ABLIM1: variants seen among roughly 807,000 people sequenced by gnomAD.
ABLIM1 encodes actin binding LIM protein 1, also known as actin-binding LIM protein 1.
In ABLIM1, 40 loss-of-function variants were observed where a neutral mutation model predicts 107.0. The observed-to-expected ratio is 0.37, with a 90% CI of 0.29 to 0.49. The LOEUF (loss-of-function observed/expected upper bound fraction) is 0.49, where lower values mean the gene tolerates loss of function less well. ABLIM1 is among the 20% of genes least tolerant of loss of function. ABLIM1 has a pLI of 0.97. For missense variants in ABLIM1, 857 were observed against 1,008.5 expected (o/e 0.85, Z 2.04); for synonymous variants, 357 against 357.3 (o/e 1.00, Z 0.01).
chr10:114,690,008 G>T, intron 1 of ABLIM1: 1 of 613,860 alleles, frequency 1.6e-6, no homozygotes, highest in Non-Finnish European at 2.9e-6. Flanking sequence ...TAGGGAACAA[G>T]GAAAACATGG....
intron 1 of ABLIM1, among the ~76,000 whole-genome samples, chr10:114,708,762 A>T (rs765504076): frequency 6.6e-6 from 1 of 152,204 alleles, no homozygotes; most frequent in African/African-American, 2.4e-5. Context: ...ATCTGGGGTC[A>T]GTTTTTTAAT....
chr10:114,470,262 A>C (rs1390666046), intron 10 of ABLIM1, among the ~76,000 whole-genome samples: 1 of 152,084 alleles, frequency 6.6e-6, no homozygotes, highest in East Asian at 1.9e-4. Context: ...AACTCTACTG[A>C]AAATACAAAA....
At chr10:114,625,901 G>T (rs1040817316) in intron 1 of ABLIM1, among the ~76,000 whole-genome samples, 7 of 152,166 alleles carry the variant, frequency 4.6e-5, no homozygotes, top group African/African-American at 1.7e-4. Flanking sequence ...TGGGTTCGAA[G>T]ATTAAAGACA....
intron 1 of ABLIM1, among the ~76,000 whole-genome samples, chr10:114,741,067 T>C (rs1000952971): frequency 1.3e-5 from 2 of 151,450 alleles, no homozygotes; most frequent in Middle Eastern, 3.4e-3. Context: ...AATAAAAAGT[T>C]GTGTTTCTGC....
At chr10:114,599,222 T>A (rs757707062) in intron 2 of ABLIM1, among the ~76,000 whole-genome samples, 6 of 152,226 alleles carry the variant, frequency 3.9e-5, no homozygotes, top group Non-Finnish European at 8.8e-5. Flanking sequence ...TAGCAAGTAT[T>A]CTTAAAATAG....
chr10:114,793,130 C>T, the ABLIM1 span, among the ~76,000 whole-genome samples: 6 of 151,928 alleles, frequency 3.9e-5, no homozygotes, highest in South Asian at 2.1e-4. Context: ...CCAGCCTGGG[C>T]GACAGAGTGA....
intron 1 of ABLIM1, among the ~76,000 whole-genome samples, chr10:114,634,951 A>G (rs146913418): frequency 4.6e-5 from 7 of 152,392 alleles, no homozygotes; most frequent in Non-Finnish European, 7.3e-5. Flanking sequence ...TAAGAACAGA[A>G]GCAAAGCATA....
intron 6 of ABLIM1, among the ~76,000 whole-genome samples, chr10:114,512,124 T>C (rs1462136050): frequency 2.0e-5 from 3 of 152,198 alleles, no homozygotes; most frequent in African/African-American, 4.8e-5. Flanking sequence ...TCAGGTGAAC[T>C]TTCCTGGGGG....
intron 12 of ABLIM1, chr10:114,463,177 G>A (rs750818680): frequency 1.6e-6 from 2 of 1,267,618 alleles, no homozygotes; most frequent in Admixed American, 2.4e-5. Context: ...GTGCAGCAAG[G>A]AGTCAGGGGC....
At chr10:114,627,397 A>G (rs1378235125) in intron 1 of ABLIM1, among the ~76,000 whole-genome samples, 1 of 152,142 alleles carries the variant, frequency 6.6e-6, no homozygotes, top group Non-Finnish European at 1.5e-5. Context: ...TGCCTCTTTA[A>G]ACATCTACAT....
chr10:114,552,098 G>C (rs956730790), intron 4 of ABLIM1, among the ~76,000 whole-genome samples: 3 of 152,102 alleles, frequency 2.0e-5, no homozygotes, highest in Non-Finnish European at 4.4e-5. Flanking sequence ...TGAGAATCCT[G>C]ACCCGAAGTA....
intron 8 of ABLIM1, among the ~76,000 whole-genome samples, chr10:114,478,395 T>C (rs745405386): frequency 1.3e-5 from 2 of 152,214 alleles, no homozygotes; most frequent in South Asian, 4.1e-4. Context: ...ATCTTGGAGA[T>C]ATGGTTTGGC....
intron 1 of ABLIM1, among the ~76,000 whole-genome samples, chr10:114,753,203 C>T (rs2082556049): frequency 6.6e-6 from 1 of 152,168 alleles, no homozygotes; most frequent in Non-Finnish European, 1.5e-5. Flanking sequence ...GAGAAATAAG[C>T]TGTTCCCAGC....
At chr10:114,674,288 A>AC (rs2080384868) in intron 1 of ABLIM1, among the ~76,000 whole-genome samples, 2 of 127,388 alleles carry the variant, frequency 1.6e-5, no homozygotes, top group African/African-American at 3.3e-5. Context: ...AGACTCTGTC[A>AC]CAAAAAAAAA....
chr10:114,795,278 G>A, the ABLIM1 span, among the ~76,000 whole-genome samples: 11 of 152,206 alleles, frequency 7.2e-5, no homozygotes, highest in Non-Finnish European at 8.8e-5. Flanking sequence ...GGAATAGGCA[G>A]AATGCAGACA....
intron 19 of ABLIM1, among the ~76,000 whole-genome samples, 164 bp from the exon 20 acceptor site, chr10:114,440,253 A>C (rs1348767171): frequency 6.6e-6 from 1 of 152,212 alleles, no homozygotes; most frequent in Non-Finnish European, 1.5e-5. Context: ...AGCCTCCCTG[A>C]AGCCAAGAAA....
intron 1 of ABLIM1, among the ~76,000 whole-genome samples, chr10:114,725,020 C>G (rs2081927786): frequency 6.6e-6 from 1 of 152,178 alleles, no homozygotes; most frequent in South Asian, 2.1e-4. Context: ...TTTTCTCCCT[C>G]CATCCCCAGC....
chr10:114,520,995 A>T (rs2063647808), intron 6 of ABLIM1, among the ~76,000 whole-genome samples: 1 of 152,150 alleles, frequency 6.6e-6, no homozygotes, highest in Non-Finnish European at 1.5e-5. Context: ...AATAAAAATA[A>T]GTGACTTAAG....
rs563604478 is a variant in ABLIM1, at chr10:114,608,882, G to A, written c.245-6921C>T. On this transcript the variant is annotated intron_variant, in intron 1 of 22. Coordinates refer to ENST00000533213, the MANE Select transcript of ABLIM1 (RefSeq NM_002313.7). ...ATGCAAAAATTAGCTGGGTGTGGTGGCAGGTGCCTGTTATCCCAGCTACTC... is the reference window on the plus strand; with the variant it reads ...ATGCAAAAATTAGCTGGGTGTGGTGACAGGTGCCTGTTATCCCAGCTACTC... Among the ~76,000 whole-genome samples the A allele has an allele frequency of 3.0e-3, 454 of 151,690 alleles. 3 individuals are homozygous for A. The highest frequency in any genetic ancestry group is 0.01 in the African/African-American group (415 of 41,326).
Sources: allele counts gnomAD v4.1 joint callset (sites outside exome capture counted in the v4.1 genomes callset), GRCh38; gene constraint gnomAD v4.1.1; transcripts MANE v1.5; gene names NCBI Gene and HGNC (gene_info 2026-07-23, HGNC 2026-07-21).